FBXO21: variants seen among roughly 807,000 people sequenced by gnomAD.
FBXO21 encodes F-box protein 21, also known as F-box only protein 21.
FBXO21 carries 32 observed loss-of-function variants against 76.6 expected under a neutral mutation model. The ratio of observed to expected loss-of-function variants is 0.42; its 90% CI spans 0.32 to 0.56. FBXO21 has a LOEUF of 0.56. Ranked by LOEUF, FBXO21 falls within the 20% of genes least tolerant of loss-of-function variation. The pLI, the probability that FBXO21 is intolerant of heterozygous loss-of-function variation, is 0.16. For missense variants in FBXO21, 586 were observed against 797.3 expected (o/e 0.73, Z 3.19); for synonymous variants, 328 against 311.5 (o/e 1.05, Z -0.56).
chr12:117,151,834 G>T (rs191365571), intron 11 of FBXO21, among the ~76,000 whole-genome samples: 1 of 151,890 alleles, frequency 6.6e-6, no homozygotes, highest in Non-Finnish European at 1.5e-5. Flanking sequence ...ATCACCACTC[G>T]GCAATTCTCA....
In FBXO21 at chr12:117,179,791, T is replaced by C. The variant is rs191773011; in HGVS notation, c.471-2150A>G. Among the ~76,000 whole-genome samples, 671 of 152,326 alleles carry C rather than the reference T, an allele frequency of 4.4e-3. 4 individuals carry two copies. Among genetic ancestry groups the C allele is most frequent in the African/African-American group, 0.015 (628 of 41,572 alleles). On this transcript the variant is annotated intron_variant, in intron 3 of 11. Coordinates refer to ENST00000622495, the MANE Select transcript of FBXO21 (RefSeq NM_015002.3). The stretch of plus-strand genomic sequence containing the variant: ...ATATTAAAATTCAATCAACCCTTCT[T>C]AATTCATTAGCTGGGATACTTCTAT...
At chr12:117,187,073 G>A (rs977274266) in intron 2 of FBXO21, among the ~76,000 whole-genome samples, 16 of 150,140 alleles carry the variant, frequency 1.1e-4, no homozygotes, top group Non-Finnish European at 1.9e-4. Context: ...CCAAGATTGC[G>A]CCATTGCACT....
chr12:117,147,301 A>AAG (rs1555238705), intron 11 of FBXO21, among the ~76,000 whole-genome samples: 2 of 116,874 alleles, frequency 1.7e-5, no homozygotes, highest in African/African-American at 5.4e-5. Context: ...AAAAAAAAAA[A>AAG]AAAAAAGAAA....
intron 2 of FBXO21, among the ~76,000 whole-genome samples, chr12:117,187,764 C>T (rs148421305): frequency 2.0e-5 from 3 of 152,362 alleles, no homozygotes; most frequent in African/African-American, 7.2e-5. Flanking sequence ...GTTGCAGGCT[C>T]ATAGTCCATG....
intron 3 of FBXO21, 88 bp downstream of exon 3, chr12:117,186,389 A>G: frequency 1.1e-6 from 1 of 887,864 alleles, no homozygotes; most frequent in Non-Finnish European, 1.8e-6. Flanking sequence ...TTGGAATCAC[A>G]TATTCCAGGG....
chr12:117,147,791 G>C (rs192059406), intron 11 of FBXO21, among the ~76,000 whole-genome samples: 36 of 152,238 alleles, frequency 2.4e-4, no homozygotes, highest in African/African-American at 8.2e-4. Context: ...GAGAAGCCCA[G>C]CTATGCCCTC....
chr12:117,189,252 A>T lies in FBXO21; in HGVS notation c.350T>A (p.Phe117Tyr). The change falls in exon 2 of 12, where the codon TTC becomes TAC. Residue 117 changes from phenylalanine (F) to tyrosine (Y), a missense_variant. Around this residue, in one of 6 missense-constraint regions of FBXO21, gnomAD observed 246 missense variants for 356.8 expected, o/e 0.69. Transcript: ENST00000622495. Reference protein sequence around the residue: ...GLEARKIVASFSKRFFSEHVP... With the variant: ...GLEARKIVASYSKRFFSEHVP... ...GTGCTCTGAAAAGAACCTCTTTGAGAACGAGGCTACAATCTTCCGCGCTTC... is the reference window on the plus strand; with the variant it reads ...GTGCTCTGAAAAGAACCTCTTTGAGTACGAGGCTACAATCTTCCGCGCTTC... 4 of 1,614,230 alleles carry T rather than the reference A, an allele frequency of 2.5e-6. No homozygotes were observed. The highest frequency in any genetic ancestry group is 3.4e-6 in the Non-Finnish European group (4 of 1,180,036).
chr12:117,154,414 C>G (rs1322592311), intron 11 of FBXO21: 1 of 152,206 alleles, frequency 6.6e-6, no homozygotes, highest in African/African-American at 2.4e-5. Context: ...AAGATGAGGT[C>G]TCACTCTGTC....
intron 2 of FBXO21, 193 bp downstream of exon 2, chr12:117,189,034 G>C (rs371340644): frequency 3.1e-6 from 2 of 648,178 alleles, no homozygotes. Flanking sequence ...AGTAAAGCTG[G>C]CACAGACAAA....
chr12:117,181,888 T>C (rs1393287211), intron 3 of FBXO21, among the ~76,000 whole-genome samples: 1 of 152,120 alleles, frequency 6.6e-6, no homozygotes, highest in Non-Finnish European at 1.5e-5. Context: ...TGACCTCAGG[T>C]GATCTGCCCA....
At chr12:117,185,477 T>C (rs944357144) in intron 3 of FBXO21, among the ~76,000 whole-genome samples, 8 of 152,262 alleles carry the variant, frequency 5.3e-5, no homozygotes, top group African/African-American at 9.6e-5. Context: ...TCAGAACTTT[T>C]AGAACAGAAA....
chr12:117,146,572 T>C (rs1955772693), intron 11 of FBXO21, among the ~76,000 whole-genome samples: 1 of 152,212 alleles, frequency 6.6e-6, no homozygotes, highest in South Asian at 2.1e-4. Flanking sequence ...TCTTGGGGAC[T>C]GGCAAACTAG....
chr12:117,179,657 G>A (rs780646689), intron 3 of FBXO21, among the ~76,000 whole-genome samples: 5 of 152,200 alleles, frequency 3.3e-5, no homozygotes, highest in Non-Finnish European at 7.3e-5. Flanking sequence ...AGAAGGTAGT[G>A]CATTCTCCCA....
chr12:117,167,214 T>A, intron 7 of FBXO21, 137 bp from the exon 8 acceptor site: 1 of 692,122 alleles, frequency 1.4e-6, no homozygotes, highest in Non-Finnish European at 2.4e-6. Context: ...TGTCCAAGTT[T>A]AAAATCTGAC....
At position 117,142,342 on chromosome 12, in the gene FBXO21, G is replaced by A. The variant is rs1955725549; in HGVS notation, c.*3745C>T. 6.6e-6 allele frequency: 1 copy of A among 152,284 alleles called. No individual in the cohort carries two copies. The highest frequency in any genetic ancestry group is 1.5e-5 in the Non-Finnish European group (1 of 68,020). 9.4% of individuals were successfully genotyped at this position (152,284 alleles called of 1,614,324 possible). A position where few individuals can be genotyped will look rare whatever the true frequency, so the allele number is the denominator to read the frequency against. On this transcript the variant is annotated 3_prime_UTR_variant, in exon 12 of 12. Coordinates refer to ENST00000622495, the MANE Select transcript of FBXO21 (RefSeq NM_015002.3). ...CCCTTTATACAGTGGAATGCTAAGT[G>A]CCTACACCCTAGCCGGGGTCAGCCA...
intron 10 of FBXO21, among the ~76,000 whole-genome samples, chr12:117,157,040 A>G (rs1237797628): frequency 6.6e-6 from 1 of 152,050 alleles, no homozygotes; most frequent in East Asian, 1.9e-4. Flanking sequence ...AAAATTAGCC[A>G]GGCGTGGTGG....
At position 117,174,678 on chromosome 12, in the gene FBXO21, G is replaced by A. The variant is rs141586960; in HGVS notation, c.712C>T (p.Arg238Cys). ...VCKTLRGINSRHPSLAFKAGE... is the reference protein window; with the variant it reads ...VCKTLRGINSCHPSLAFKAGE... ...GCCTTGAAGGCCAAGCTGGGGTGGC[G>A]ACTGTTTATGCCCCGAAGGGTTTTG... The change falls in exon 5 of 12, where the codon CGC becomes TGC. Residue 238 changes from arginine (R) to cysteine (C), a missense_variant. Around this residue, in one of 6 missense-constraint regions of FBXO21, gnomAD observed 246 missense variants for 356.8 expected, o/e 0.69. Transcript: ENST00000622495. 7 of 1,614,010 alleles carry A rather than the reference G, an allele frequency of 4.3e-6. No homozygotes were observed. Among genetic ancestry groups the A allele is most frequent in the Admixed American group, 1.7e-5 (1 of 60,006 alleles).
In FBXO21 at chr12:117,145,984, T is replaced by C; in HGVS notation, c.*103A>G. 2.2e-6 allele frequency: 2 copies of C among 912,656 alleles called. No homozygotes were observed. The highest frequency in any genetic ancestry group is 3.2e-6 in the Non-Finnish European group (2 of 615,972). 56.5% of individuals were successfully genotyped at this position (912,656 alleles called of 1,614,324 possible). ...AGCACTACTGGTGGAGTGGCTTTCC[T>C]GGTGCAGCAGGTCCCGAGGGCTCCG... is the stretch of plus-strand genomic sequence containing the variant. On this transcript the variant is annotated 3_prime_UTR_variant, in exon 12 of 12. Transcript: ENST00000622495.
intron 7 of FBXO21, among the ~76,000 whole-genome samples, chr12:117,169,565 A>G (rs2135868328): frequency 6.7e-6 from 1 of 149,656 alleles, no homozygotes; most frequent in South Asian, 2.1e-4. Context: ...AAGAATTTTG[A>G]AAAAAAAAAA....
Sources: gnomAD v4.1 joint callset for allele counts (sites outside exome capture counted in the v4.1 genomes callset) on GRCh38, gnomAD v4.1.1 for gene constraint, gnomAD v4.1.1 regional missense constraint, MANE v1.5 for transcripts, NCBI Gene and HGNC (gene_info 2026-07-23, HGNC 2026-07-21) for gene names.